Variants in ABCA12 observed in about 807,000 individuals in gnomAD.
ABCA12 encodes the protein ATP binding cassette subfamily A member 12.
ABCA12 carries 156 observed loss-of-function variants against 293.5 expected under a neutral mutation model. The observed-to-expected ratio is 0.53, with a 90% CI of 0.47 to 0.61. The LOEUF (loss-of-function observed/expected upper bound fraction) is 0.61. ABCA12 is among the 20% of genes least tolerant of loss of function. The pLI, the probability that ABCA12 is intolerant of heterozygous loss-of-function variation, is 0.00. For missense variants in ABCA12, 2,797 were observed against 3,090.2 expected (o/e 0.91, Z 2.25); for synonymous variants, 1,063 against 1,108.0 (o/e 0.96, Z 0.81).
intron 45 of ABCA12, 45 bp downstream of exon 45, chr2:214,950,834 T>C: frequency 6.3e-7 from 1 of 1,578,306 alleles, no homozygotes; most frequent in Non-Finnish European, 8.7e-7. Context: ...TGTCACATAG[T>C]ATGCCAATGA....
At chr2:214,977,269 A>C (rs73088500) in intron 33 of ABCA12, among the ~76,000 whole-genome samples, 2,080 of 152,346 alleles carry the variant, frequency 0.014, 47 homozygotes, top group African/African-American at 0.047. Context: ...TCAAATTATA[A>C]GACACATGCA....
Position 214,954,011 on chromosome 2 carries a change from A to C in ABCA12, c.6490T>G (p.Ser2164Ala). 4 of 1,614,100 alleles carry C rather than the reference A, an allele frequency of 2.5e-6. No homozygotes were observed. Among genetic ancestry groups the C allele is most frequent in the Non-Finnish European group, 3.4e-6 (4 of 1,179,982 alleles). The part of the protein sequence containing the change: ...YGLIELSQQQ[S>A]VLDFLKAYGV... ...TATGCTTTTAAGAAGTCTAGGACCG[A>C]CTGTTGTTGAGAAAGTTCAATCAAA... The change falls in exon 44 of 53, where the codon TCG (serine) becomes GCG (alanine). Residue 2164 changes from serine to alanine, a missense_variant. Coordinates refer to ENST00000272895, the MANE Select transcript of ABCA12 (RefSeq NM_173076.3).
At chr2:214,996,607 C>A (rs1700038320) in intron 23 of ABCA12, among the ~76,000 whole-genome samples, 1 of 152,084 alleles carries the variant, frequency 6.6e-6, no homozygotes, top group Non-Finnish European at 1.5e-5. Context: ...AGGACTCAAA[C>A]TAGTTGATGA....
chr2:214,984,601 G>T (rs1574962469), intron 28 of ABCA12, among the ~76,000 whole-genome samples: 1 of 152,158 alleles, frequency 6.6e-6, no homozygotes, highest in Middle Eastern at 3.4e-3. Context: ...CTTCAACTCA[G>T]TATGTTTAAA....
intron 19 of ABCA12, among the ~76,000 whole-genome samples, chr2:215,005,308 G>C (rs977637112): frequency 6.6e-6 from 1 of 152,184 alleles, no homozygotes; most frequent in African/African-American, 2.4e-5. Flanking sequence ...GTAAATTCAT[G>C]GCCTGGTTTT....
chr2:215,065,733 C>T (rs1001306541), intron 2 of ABCA12, among the ~76,000 whole-genome samples: 3 of 151,996 alleles, frequency 2.0e-5, no homozygotes, highest in African/African-American at 7.2e-5. Flanking sequence ...TGGATTTTAG[C>T]TCGCTGAGAC....
intron 30 of ABCA12, 90 bp downstream of exon 30, chr2:214,982,097 C>G (rs1699680111): frequency 1.3e-5 from 17 of 1,359,568 alleles, no homozygotes; most frequent in Non-Finnish European, 1.7e-5. Flanking sequence ...TAGGCGTGAG[C>G]CACTGCACCC....
chr2:214,973,131 A>G (rs1699424891), intron 36 of ABCA12, among the ~76,000 whole-genome samples: 1 of 152,160 alleles, frequency 6.6e-6, no homozygotes, highest in African/African-American at 2.4e-5. Flanking sequence ...GGCCAAGACT[A>G]ATTTTTAAAT....
chr2:214,949,665 T>C (rs545050651), intron 45 of ABCA12, among the ~76,000 whole-genome samples: 3 of 152,276 alleles, frequency 2.0e-5, no homozygotes, highest in African/African-American at 7.2e-5. Flanking sequence ...TGCCTTAATA[T>C]CGCTTCTGTG....
intron 13 of ABCA12, among the ~76,000 whole-genome samples, chr2:215,019,075 C>T (rs749274168): frequency 2.0e-5 from 3 of 152,168 alleles, no homozygotes; most frequent in Non-Finnish European, 2.9e-5. Context: ...ATCAGAGAAA[C>T]GAAAGGTGAA....
chr2:215,132,185 G>T (rs576581746), intron 1 of ABCA12, among the ~76,000 whole-genome samples: 42 of 152,126 alleles, frequency 2.8e-4, no homozygotes, highest in Non-Finnish European at 4.7e-4. Flanking sequence ...ACTGTTTCAT[G>T]CACAGATGAG....
chr2:215,092,884 C>T (rs182059609), intron 2 of ABCA12, among the ~76,000 whole-genome samples: 9 of 152,304 alleles, frequency 5.9e-5, no homozygotes, highest in South Asian at 2.1e-4. Flanking sequence ...AGCCTCTCTT[C>T]GCTTTCACTT....
intron 20 of ABCA12, among the ~76,000 whole-genome samples, chr2:215,002,591 T>C (rs1700167740): frequency 6.6e-6 from 1 of 152,208 alleles, no homozygotes; most frequent in South Asian, 2.1e-4. Context: ...TAGGACTAAA[T>C]TTCTCACAGA....
intron 6 of ABCA12, among the ~76,000 whole-genome samples, chr2:215,049,369 AG>A (rs566367047): frequency 1.8e-3 from 279 of 152,312 alleles, no homozygotes; most frequent in African/African-American, 6.5e-3. Flanking sequence ...TGTAGAGCAA[AG>A]CCATATTTTA....
intron 23 of ABCA12, among the ~76,000 whole-genome samples, chr2:214,991,547 A>T (rs1195664987): frequency 6.6e-6 from 1 of 152,120 alleles, no homozygotes; most frequent in Non-Finnish European, 1.5e-5. Flanking sequence ...GAAACAGTAT[A>T]CCTGATTCCT....
intron 29 of ABCA12, among the ~76,000 whole-genome samples, chr2:214,983,358 T>C (rs1699711676): frequency 6.6e-6 from 1 of 151,894 alleles, no homozygotes; most frequent in Admixed American, 6.6e-5. Flanking sequence ...AATCCAAGAA[T>C]CCACTTAGGA....
intron 2 of ABCA12, among the ~76,000 whole-genome samples, chr2:215,078,363 T>A (rs891682607): frequency 2.0e-5 from 3 of 152,208 alleles, no homozygotes; most frequent in Admixed American, 2.0e-4. Flanking sequence ...TCATGTAGCA[T>A]TGTGTTTAGC....
At position 215,030,012 on chromosome 2, in the gene ABCA12, G is replaced by A. The variant is rs549074474; in HGVS notation, c.1061+1809C>T. ...GCCACTCTGTGATTATTTTAAAGCTGGAATGGAAAGGAAGTCTGAAGATAA... is the reference window on the plus strand; with the variant it reads ...GCCACTCTGTGATTATTTTAAAGCTAGAATGGAAAGGAAGTCTGAAGATAA... On this transcript the variant is annotated intron_variant, in intron 9 of 52. Coordinates refer to ENST00000272895, the MANE Select transcript of ABCA12 (RefSeq NM_173076.3). 3 of 152,214 alleles carry A rather than the reference G, an allele frequency of 2.0e-5. No homozygotes were observed. In the East Asian group the frequency reaches 5.8e-4, roughly 29 times the overall value. 9.4% of individuals were successfully genotyped at this position (152,214 alleles called of 1,614,324 possible). A position where few individuals can be genotyped will look rare whatever the true frequency, so the allele number is the denominator to read the frequency against.
chr2:214,975,083 G>A (rs1699480974), intron 34 of ABCA12, among the ~76,000 whole-genome samples: 1 of 152,182 alleles, frequency 6.6e-6, no homozygotes, highest in Middle Eastern at 3.2e-3. Flanking sequence ...TTATACCTCA[G>A]ACACCCGAAT....
Sources: gnomAD v4.1 joint callset for allele counts (sites outside exome capture counted in the v4.1 genomes callset) on GRCh38, gnomAD v4.1.1 for gene constraint, MANE v1.5 for transcripts, NCBI Gene and HGNC (gene_info 2026-07-23, HGNC 2026-07-21) for gene names.